GPR39: variants seen among roughly 807,000 people sequenced by gnomAD.
GPR39 encodes the protein zinc sensing receptor.
In GPR39, 23 loss-of-function variants were observed where a neutral mutation model predicts 18.4. That is an observed-to-expected ratio of 1.25 (90% CI 0.90 to 1.77). GPR39 has a LOEUF of 1.77. Ranked by LOEUF, GPR39 falls within the 40% of genes most tolerant of loss-of-function variation. GPR39 has a pLI of 0.00. For synonymous variants in GPR39, 280 were observed against 257.9 expected, an observed-to-expected ratio of 1.09 and a Z score of -0.82; for missense variants, 647 against 602.4, an observed-to-expected ratio of 1.07 and a Z score of -0.78.
intron 1 of GPR39, among the ~76,000 whole-genome samples, chr2:132,512,323 G>A (rs1401251555): frequency 2.0e-5 from 3 of 152,168 alleles, no homozygotes; most frequent in Admixed American, 6.5e-5. Flanking sequence ...TCAGTCATGG[G>A]GAAAGTTTAA....
intron 1 of GPR39, among the ~76,000 whole-genome samples, chr2:132,460,677 A>T (rs10180610): frequency 0.015 from 2,317 of 152,236 alleles, 50 homozygotes; most frequent in African/African-American, 0.053. Flanking sequence ...TGCTTAAAAC[A>T]TGATGGATTT....
intron 1 of GPR39, among the ~76,000 whole-genome samples, chr2:132,460,649 C>A (rs1402881568): frequency 6.6e-6 from 1 of 152,106 alleles, no homozygotes; most frequent in Non-Finnish European, 1.5e-5. Context: ...AGGTTAATTT[C>A]CAGTTTCTGG....
intron 1 of GPR39, among the ~76,000 whole-genome samples, chr2:132,492,898 CAT>C (rs1278416865): frequency 4.5e-5 from 6 of 133,664 alleles, no homozygotes; most frequent in African/African-American, 8.6e-5. Flanking sequence ...ATATATATAC[CAT>C]ATATATACAC....
At chr2:132,556,620 T>C (rs1215335294) in intron 1 of GPR39, among the ~76,000 whole-genome samples, 1 of 152,156 alleles carries the variant, frequency 6.6e-6, no homozygotes, top group African/African-American at 2.4e-5. Context: ...AGTGTTTGAG[T>C]CTTTGAGGTA....
intron 1 of GPR39, among the ~76,000 whole-genome samples, chr2:132,581,616 A>G (rs894152897): frequency 4.6e-5 from 7 of 152,094 alleles, no homozygotes; most frequent in African/African-American, 1.7e-4. Context: ...TTGACTCCCA[A>G]TATTCCTGGG....
At chr2:132,469,582 C>T (rs1279008573) in intron 1 of GPR39, among the ~76,000 whole-genome samples, 4 of 152,052 alleles carry the variant, frequency 2.6e-5, no homozygotes, top group Admixed American at 6.6e-5. Context: ...TGTGTGTAAA[C>T]GACCCTCTGG....
rs1270619003 is a variant in GPR39, at chr2:132,646,268, C to T, written c.*662C>T. The T allele has an allele frequency of 1.3e-6, 2 of 1,551,092 alleles. No individual in the cohort carries two copies. Among genetic ancestry groups the T allele is most frequent in the Admixed American group, 1.9e-5 (1 of 53,558 alleles). ...GGCCGCTGATGATGCACAGGACTTG[C>T]GGTACATGATCCCTGTAACACAGAC... On this transcript the variant is annotated 3_prime_UTR_variant, in exon 2 of 2. Transcript: ENST00000329321.
chr2:132,591,022 C>A (rs980642727), intron 1 of GPR39, among the ~76,000 whole-genome samples: 1 of 151,238 alleles, frequency 6.6e-6, no homozygotes, highest in Non-Finnish European at 1.5e-5. Context: ...GAGGCCGAGG[C>A]GGGTGGATCA....
At chr2:132,552,788 G>A (rs570441758) in intron 1 of GPR39, among the ~76,000 whole-genome samples, 6 of 127,534 alleles carry the variant, frequency 4.7e-5, no homozygotes, top group African/African-American at 1.9e-4. Context: ...GCCTACCAAT[G>A]TGTATATATG....
chr2:132,531,506 A>G (rs181851013), intron 1 of GPR39, among the ~76,000 whole-genome samples: 2,983 of 152,284 alleles, frequency 0.02, 102 homozygotes, highest in African/African-American at 0.069. Flanking sequence ...AAGTGGACCT[A>G]ATAGACAACT....
intron 1 of GPR39, among the ~76,000 whole-genome samples, chr2:132,551,271 G>A (rs551117211): frequency 7.3e-5 from 11 of 150,526 alleles, no homozygotes; most frequent in African/African-American, 7.5e-5. Context: ...TGCATCTTCC[G>A]TGTTATTGGG....
chr2:132,480,930 C>T (rs1681222027), intron 1 of GPR39, among the ~76,000 whole-genome samples: 1 of 152,136 alleles, frequency 6.6e-6, no homozygotes, highest in Non-Finnish European at 1.5e-5. Context: ...GGGCGAGTTG[C>T]ACATTTTCAA....
Position 132,629,260 on chromosome 2 carries a change from G to A in GPR39, c.857-15841G>A, listed in dbSNP as rs188378667. Among the ~76,000 whole-genome samples the A allele has an allele frequency of 1.6e-3, 248 of 152,320 alleles. 1 individual carries two copies. Among genetic ancestry groups the A allele is most frequent in the Admixed American group, 0.016 (241 of 15,300 alleles). ...CTGTAGTGTAAGCCACATGCCATCTGGATGTCTTGTTAAAATGCAGATCCT... is the reference window on the plus strand; with the variant it reads ...CTGTAGTGTAAGCCACATGCCATCTAGATGTCTTGTTAAAATGCAGATCCT... On this transcript the variant is annotated intron_variant, in intron 1 of 1. Coordinates refer to ENST00000329321, the MANE Select transcript of GPR39 (RefSeq NM_001508.3).
chr2:132,461,132 A>G (rs1472062021), intron 1 of GPR39, among the ~76,000 whole-genome samples: 2 of 152,208 alleles, frequency 1.3e-5, no homozygotes. Flanking sequence ...ATAATCGTAT[A>G]AGACCCTTGT....
intron 1 of GPR39, among the ~76,000 whole-genome samples, chr2:132,439,710 G>A (rs1219147058): frequency 3.3e-5 from 5 of 152,206 alleles, no homozygotes; most frequent in Admixed American, 6.5e-5. Flanking sequence ...GAAGAGAGAA[G>A]TGATTTTTAA....
chr2:132,432,932 G>A (rs1434547981), intron 1 of GPR39, among the ~76,000 whole-genome samples: 5 of 152,160 alleles, frequency 3.3e-5, no homozygotes, highest in East Asian at 1.9e-4. Flanking sequence ...ATGGTAGGTC[G>A]TCATTGAAAA....
At chr2:132,458,704 C>G (rs1272362566) in intron 1 of GPR39, among the ~76,000 whole-genome samples, 1 of 151,850 alleles carries the variant, frequency 6.6e-6, no homozygotes, top group Non-Finnish European at 1.5e-5. Flanking sequence ...GAATTTTCCC[C>G]CCAGGCCATT....
intron 1 of GPR39, among the ~76,000 whole-genome samples, chr2:132,626,920 G>C (rs1681554038): frequency 1.3e-5 from 2 of 152,156 alleles, no homozygotes; most frequent in South Asian, 2.1e-4. Flanking sequence ...TAGGATCCAG[G>C]CTCAAACAAT....
chr2:132,543,968 TAC>T, intron 1 of GPR39, among the ~76,000 whole-genome samples: 1 of 152,172 alleles, frequency 6.6e-6, no homozygotes, highest in East Asian at 1.9e-4. Flanking sequence ...ACAGAGGTTA[TAC>T]ATTGTTTTGG....
Sources: gnomAD v4.1 joint callset for allele counts (sites outside exome capture counted in the v4.1 genomes callset) on GRCh38, gnomAD v4.1.1 for gene constraint, MANE v1.5 for transcripts, NCBI Gene and HGNC (gene_info 2026-07-23, HGNC 2026-07-21) for gene names.